Variants in DTD1 observed in about 807,000 individuals in gnomAD.
DTD1 encodes D-aminoacyl-tRNA deacylase 1, also known as D-tyrosyl-tRNA deacylase 1 homolog.
In DTD1, 13 loss-of-function variants were observed where a neutral mutation model predicts 25.6. The observed-to-expected ratio is 0.51, with a 90% confidence interval of 0.33 to 0.81. The LOEUF is 0.81. DTD1 is among the 30% of genes least tolerant of loss of function. The probability of loss-of-function intolerance (pLI) is 0.02; values close to 1 mark genes in which losing one functional copy is unlikely to be tolerated. For missense variants in DTD1, 193 were observed against 266.4 expected (o/e 0.72, Z 1.92); for synonymous variants, 110 against 103.6 (o/e 1.06, Z -0.37).
intron 4 of DTD1, among the ~76,000 whole-genome samples, chr20:18,709,102 G>A (rs1707051964): frequency 2.0e-5 from 3 of 152,174 alleles, no homozygotes; most frequent in South Asian, 4.1e-4. Context: ...TGTTTTGCAA[G>A]CATATTGATG....
chr20:18,709,845 G>A (rs927597425), intron 4 of DTD1, among the ~76,000 whole-genome samples: 16 of 152,130 alleles, frequency 1.1e-4, no homozygotes, highest in Admixed American at 8.5e-4. Flanking sequence ...TCAGGGAGGG[G>A]TGGGACACTT....
rs1204458474 is a variant in DTD1, at chr20:18,749,235, G to A, written c.*19+4964G>A. Among the ~76,000 whole-genome samples the A allele has an allele frequency of 6.6e-6, 1 of 152,178 alleles. No homozygotes were observed. The highest frequency in any genetic ancestry group is 1.5e-5 in the Non-Finnish European group (1 of 68,034). On this transcript the variant is annotated intron_variant, in intron 5 of 5. Transcript: ENST00000377452. This position sits in a 1 kb window ranked among gnomAD's most constrained non-coding sequence, Gnocchi z 4.2. Reference sequence around the variant, plus strand: ...ACAGGGATTCTGGAGGGAGAGCAGTGCAGGTGGCTCCAGGGCTCCAGGAGG... The same window carrying A: ...ACAGGGATTCTGGAGGGAGAGCAGTACAGGTGGCTCCAGGGCTCCAGGAGG...
At chr20:18,615,789 A>G (rs1361248824) in intron 3 of DTD1, among the ~76,000 whole-genome samples, 1 of 152,182 alleles carries the variant, frequency 6.6e-6, no homozygotes, top group African/African-American at 2.4e-5. Flanking sequence ...ATGTGGACAG[A>G]CACGTCAGGA....
intron 4 of DTD1, among the ~76,000 whole-genome samples, chr20:18,643,876 G>T (rs1296909328): frequency 6.6e-6 from 1 of 152,074 alleles, no homozygotes; most frequent in Non-Finnish European, 1.5e-5. Context: ...GTGTGTGTGT[G>T]TACATGCACT....
rs2061372963 is a variant in DTD1, at chr20:18,764,038, C to T, written c.*698C>T. On this transcript the variant is annotated 3_prime_UTR_variant, in exon 6 of 6. Transcript: ENST00000377452. ...TCGCAAGAGGGCCTTCTCTAACTGG[C>T]CCACACAGGCTCCTGAGTCCAGGTG... 1 of 152,190 alleles carries T rather than the reference C, an allele frequency of 6.6e-6. No homozygotes were observed. Among genetic ancestry groups the T allele is most frequent in the South Asian group, 2.1e-4 (1 of 4,824 alleles). 9.4% of individuals were successfully genotyped at this position (152,190 alleles called of 1,614,324 possible). A position where few individuals can be genotyped will look rare whatever the true frequency, so the allele number is the denominator to read the frequency against.
intron 4 of DTD1, among the ~76,000 whole-genome samples, chr20:18,628,496 C>G (rs1229978276): frequency 2.6e-5 from 4 of 152,304 alleles, no homozygotes; most frequent in African/African-American, 9.6e-5. Flanking sequence ...CCCTGGGCTT[C>G]CCTTCCCTTG....
chr20:18,708,219 A>AATATATAT lies in DTD1; in HGVS notation c.478-35881_478-35880insATATATAT, dbSNP rs2061136140. 2.0e-4 allele frequency among the ~76,000 whole-genome samples: 8 copies of AATATATAT among 40,708 alleles called. 1 individual carries two copies. The highest frequency in any genetic ancestry group is 3.5e-4 in the Non-Finnish European group (8 of 22,608). The allele number at this position is 40,708 out of a possible 152,430, so 26.7% of individuals were successfully genotyped here. Reference sequence around the variant, plus strand: ...ATTATATATATATTTTATATATATAATATATATATATTTTATATATATATA... The same window carrying AATATATAT: ...ATTATATATATATTTTATATATATAAATATATATTATATATATATTTTATATATATATA... On this transcript the variant is annotated intron_variant, in intron 4 of 5. Transcript: ENST00000377452.
intron 4 of DTD1, among the ~76,000 whole-genome samples, chr20:18,687,671 C>T (rs75766356): frequency 0.13 from 19,357 of 152,046 alleles, 1,597 homozygotes; most frequent in Non-Finnish European, 0.18. Context: ...CCTCCTACCT[C>T]GGCCTCTGGA....
intron 4 of DTD1, among the ~76,000 whole-genome samples, chr20:18,664,156 G>T (rs112186792): frequency 0.011 from 1,607 of 152,286 alleles, 36 homozygotes; most frequent in African/African-American, 0.037. Flanking sequence ...CTTGGAATGT[G>T]TCCCACAGTT....
chr20:18,598,490 C>T (rs973564299), intron 3 of DTD1, among the ~76,000 whole-genome samples: 8 of 151,732 alleles, frequency 5.3e-5, no homozygotes, highest in African/African-American at 1.9e-4. Flanking sequence ...TGGGTGTATA[C>T]TCAGTAACAG....
At chr20:18,744,581 C>G (rs1052075151) in intron 5 of DTD1, among the ~76,000 whole-genome samples, 2 of 133,458 alleles carry the variant, frequency 1.5e-5, no homozygotes, top group South Asian at 4.8e-4. Context: ...TGGCGGCAGG[C>G]AAGAGAGTAT....
At chr20:18,647,925 C>G (rs2060856243) in intron 4 of DTD1, among the ~76,000 whole-genome samples, 1 of 152,056 alleles carries the variant, frequency 6.6e-6, no homozygotes, top group African/African-American at 2.4e-5. Flanking sequence ...TGGGCAGGGG[C>G]CAGGGGAGAG....
intron 4 of DTD1, among the ~76,000 whole-genome samples, chr20:18,697,606 G>A (rs2061083237): frequency 6.6e-6 from 1 of 152,212 alleles, no homozygotes; most frequent in Admixed American, 6.5e-5. Context: ...TCAGGATCGT[G>A]TCTGTTCTCA....
At chr20:18,700,531 T>C (rs1014176434) in intron 4 of DTD1, among the ~76,000 whole-genome samples, 32 of 151,836 alleles carry the variant, frequency 2.1e-4, no homozygotes, top group African/African-American at 7.3e-4. Context: ...AAAATTTCAA[T>C]AGCTTTTGGG....
chr20:18,698,016 C>T (rs2061086128), intron 4 of DTD1, among the ~76,000 whole-genome samples: 1 of 152,178 alleles, frequency 6.6e-6, no homozygotes, highest in Non-Finnish European at 1.5e-5. Flanking sequence ...AAGTAGTATG[C>T]AAGTGATCAT....
intron 3 of DTD1, among the ~76,000 whole-genome samples, chr20:18,625,283 G>T (rs1464333609): frequency 6.6e-6 from 1 of 152,358 alleles, no homozygotes; most frequent in South Asian, 2.1e-4. Flanking sequence ...AGGGCCTGAA[G>T]GGCCTGTAAT....
chr20:18,736,077 G>T (rs1192227407), intron 4 of DTD1, among the ~76,000 whole-genome samples: 2 of 152,144 alleles, frequency 1.3e-5, no homozygotes, highest in East Asian at 3.9e-4. Context: ...CTTCCTTTCA[G>T]GGATTTCCGG....
chr20:18,734,677 C>T (rs1419767121), intron 4 of DTD1, among the ~76,000 whole-genome samples: 1 of 152,328 alleles, frequency 6.6e-6, no homozygotes, highest in East Asian at 1.9e-4. Context: ...CTTCATTATT[C>T]AACTAAGCAA....
At chr20:18,706,388 A>G (rs1013837740) in intron 4 of DTD1, among the ~76,000 whole-genome samples, 5 of 152,352 alleles carry the variant, frequency 3.3e-5, no homozygotes, top group African/African-American at 1.2e-4. Context: ...ATAAATAAAT[A>G]AAATATCATC....
Sources: gnomAD v4.1 joint callset for allele counts (sites outside exome capture counted in the v4.1 genomes callset) on GRCh38, gnomAD v4.1.1 for gene constraint, Gnocchi (gnomAD v3.1) non-coding constraint, MANE v1.5 for transcripts, NCBI Gene and HGNC (gene_info 2026-07-23, HGNC 2026-07-21) for gene names.